MGA: variants seen among roughly 807,000 people sequenced by gnomAD.
MGA encodes the protein MAX gene-associated protein.
In MGA, 40 loss-of-function variants were observed where a neutral mutation model predicts 261.1. The observed-to-expected ratio is 0.15, with a 90% confidence interval of 0.12 to 0.20. The LOEUF is 0.20. MGA is among the 10% of genes least tolerant of loss of function. The pLI, the probability that MGA is intolerant of heterozygous loss-of-function variation, is 1.00. For missense variants in MGA, 3,397 were observed against 3,630.5 expected (o/e 0.94, Z 1.65); for synonymous variants, 1,302 against 1,290.6 (o/e 1.01, Z -0.19).
Position 41,744,212 on chromosome 15 carries a change from A to T in MGA, c.5212+1040A>T, listed in dbSNP as rs190278333. ...TATGTGTGTGTGTGTATATATATATATATTTTTTTGAGATGGAGTCTTGCT... is the reference window on the plus strand; with the variant it reads ...TATGTGTGTGTGTGTATATATATATTTATTTTTTTGAGATGGAGTCTTGCT... On this transcript the variant is annotated intron_variant, in intron 15 of 23. Coordinates refer to ENST00000219905, the MANE Select transcript of MGA (RefSeq NM_001164273.2). Among the ~76,000 whole-genome samples the T allele has an allele frequency of 4.2e-3, 644 of 151,568 alleles. 18 individuals are homozygous for T. The East Asian group carries it at 0.079, about 19-fold the overall frequency.
At chr15:41,738,032 ATAT>A (rs1488533055) in intron 13 of MGA, among the ~76,000 whole-genome samples, 1 of 151,954 alleles carries the variant, frequency 6.6e-6, no homozygotes, top group Non-Finnish European at 1.5e-5. Context: ...GAAGTGTCTG[ATAT>A]TATTGCAAAG....
intron 8 of MGA, among the ~76,000 whole-genome samples, chr15:41,712,893 G>T (rs1187275548): frequency 6.6e-6 from 1 of 152,198 alleles, no homozygotes; most frequent in Middle Eastern, 3.4e-3. Context: ...TAATCTTTGC[G>T]TTAGAACATT....
intron 1 of MGA, among the ~76,000 whole-genome samples, chr15:41,649,568 A>T: frequency 6.6e-6 from 1 of 152,172 alleles, no homozygotes; most frequent in East Asian, 1.9e-4. Context: ...GGAAGATTTG[A>T]TGATTGACTT....
chr15:41,740,190 A>G lies in MGA; in HGVS notation c.4572A>G (p.Ala1524=). 6.2e-7 allele frequency: 1 copy of G among 1,613,854 alleles called. No individual in the cohort carries two copies. ...AGAATCTGAAGGCGTTTGTCCCAGC[A>G]AAACGGCCAATTGGTAAGTTGGGGT... Residue 1524 remains alanine (A), a synonymous_variant, in exon 14 of 24, where the codon GCA becomes GCG. Transcript: ENST00000219905.
rs150472757 is a variant in MGA, at chr15:41,668,357, A to G, written c.-67-471A>G. ...GTCTTCTGAACCATATGAAGAACTA[A>G]TTCTGTACAATTAGCTCTTTGGGAT... On this transcript the variant is annotated intron_variant, in intron 1 of 23. Transcript: ENST00000219905. 3.2e-4 allele frequency among the ~76,000 whole-genome samples: 49 copies of G among 152,258 alleles called. 1 individual carries two copies. The highest frequency in any genetic ancestry group is 1.2e-3 in the African/African-American group (48 of 41,548).
chr15:41,732,273 G>A (rs1244896518), intron 11 of MGA, among the ~76,000 whole-genome samples: 4 of 151,218 alleles, frequency 2.6e-5, no homozygotes, highest in Admixed American at 1.3e-4. Flanking sequence ...TTAGCCTCCC[G>A]AGTAGCTGGG....
intron 1 of MGA, among the ~76,000 whole-genome samples, chr15:41,622,797 C>G (rs2056339094): frequency 6.6e-6 from 1 of 152,128 alleles, no homozygotes; most frequent in Admixed American, 6.5e-5. Context: ...AGTTCTAGCT[C>G]GTCATTTCAC....
In MGA at chr15:41,713,140, T is replaced by G. The variant is rs929217267; in HGVS notation, c.3085-11T>G. 3.1e-6 allele frequency: 5 copies of G among 1,605,218 alleles called. No homozygotes were observed. Among genetic ancestry groups the G allele is most frequent in the Middle Eastern group, 1.7e-4 (1 of 6,040 alleles). On this transcript the variant is annotated splice_polypyrimidine_tract_variant and intron_variant, in intron 8 of 23. Coordinates refer to ENST00000219905, the MANE Select transcript of MGA (RefSeq NM_001164273.2). ...GTTTAGTGGAATTACAATTTTCTCC[T>G]TTGACTTTAGGCATCCCTCAAAACT... is the stretch of plus-strand genomic sequence containing the variant.
intron 14 of MGA, among the ~76,000 whole-genome samples, chr15:41,741,426 A>G (rs1324393451): frequency 6.6e-6 from 1 of 152,124 alleles, no homozygotes; most frequent in Non-Finnish European, 1.5e-5. Context: ...GAGTAAAAAA[A>G]GCAATCCTAT....
At chr15:41,670,942 T>C (rs1249392327) in intron 2 of MGA, among the ~76,000 whole-genome samples, 3 of 152,244 alleles carry the variant, frequency 2.0e-5, no homozygotes, top group South Asian at 2.1e-4. Context: ...TTTTGTGCCT[T>C]ATATAGATAA....
At chr15:41,637,623 G>A (rs1487686394) in intron 1 of MGA, among the ~76,000 whole-genome samples, 2 of 152,126 alleles carry the variant, frequency 1.3e-5, no homozygotes, top group African/African-American at 2.4e-5. Context: ...CCAGGTTGAG[G>A]GGAATGTGGT....
intron 5 of MGA, among the ~76,000 whole-genome samples, chr15:41,703,374 C>T (rs1438483289): frequency 7.2e-6 from 1 of 138,540 alleles, no homozygotes; most frequent in Non-Finnish European, 1.6e-5. Flanking sequence ...AGTTACCCCC[C>T]CCCCCACTCC....
Position 41,767,286 on chromosome 15 carries a change from C to G in MGA, c.*6C>G, listed in dbSNP as rs972390377. Reference sequence around the variant, plus strand: ...CAAGTTCTGCAGGGAAATGAACTTACTTGTCCTTAAGCAGAAGCCAGGCTG... The same window carrying G: ...CAAGTTCTGCAGGGAAATGAACTTAGTTGTCCTTAAGCAGAAGCCAGGCTG... On this transcript the variant is annotated 3_prime_UTR_variant, in exon 24 of 24. Coordinates refer to ENST00000219905, the MANE Select transcript of MGA (RefSeq NM_001164273.2). 6.2e-7 allele frequency: 1 copy of G among 1,600,086 alleles called. No individual in the cohort carries two copies. Among genetic ancestry groups the G allele is most frequent in the African/African-American group, 1.3e-5 (1 of 74,808 alleles).
At chr15:41,707,677 A>G (rs2060192180) in intron 5 of MGA, 51 bp from the exon 6 acceptor site, 2 of 1,504,974 alleles carry the variant, frequency 1.3e-6, no homozygotes, top group East Asian at 2.3e-5. Context: ...GAAGGGAGAT[A>G]ATATGATTTC....
rs763299694 is a variant in MGA, at chr15:41,699,069, A to G, written c.2098A>G (p.Arg700Gly). Reference sequence around the variant, plus strand: ...ACTATTTATTTTGGGTGTAGGTTACAGAGCAAGAATTTCCCAGTTGGAAAA... The same window carrying G: ...ACTATTTATTTTGGGTGTAGGTTACGGAGCAAGAATTTCCCAGTTGGAAAA... The change falls in exon 5 of 24, where the codon AGA (arginine) becomes GGA (glycine). Residue 700 changes from arginine (R) to glycine (G), a missense_variant. Physicochemically the swap from Arg to Gly is moderately radical, Grantham distance 125. Coordinates refer to ENST00000219905, the MANE Select transcript of MGA (RefSeq NM_001164273.2). 6.2e-7 allele frequency: 1 copy of G among 1,610,392 alleles called. No individual in the cohort carries two copies. Among genetic ancestry groups the G allele is most frequent in the Admixed American group, 1.7e-5 (1 of 59,518 alleles).
At chr15:41,679,036 C>G (rs2058529772) in intron 2 of MGA, among the ~76,000 whole-genome samples, 1 of 152,016 alleles carries the variant, frequency 6.6e-6, no homozygotes, top group Non-Finnish European at 1.5e-5. Flanking sequence ...ATTCCATTTT[C>G]TTTTCTTTTT....
At chr15:41,757,742 A>G (rs1285297745) in intron 18 of MGA, 46 bp from the exon 19 acceptor site, 4 of 1,503,826 alleles carry the variant, frequency 2.7e-6, no homozygotes, top group African/African-American at 1.4e-5. Flanking sequence ...TAGGTCTTAG[A>G]TTATTAAATT....
rs2060197598 is a variant in MGA at position 41,707,852 on chromosome 15, C to G, written c.2313C>G (p.Ala771=). The G allele has an allele frequency of 1.2e-6, 2 of 1,612,718 alleles. No homozygotes were observed. The highest frequency in any genetic ancestry group is 1.3e-5 in the African/African-American group (1 of 74,852). The change falls in exon 6 of 24, where the codon GCC becomes GCG. Residue 771 remains alanine, a synonymous_variant. Coordinates refer to ENST00000219905, the MANE Select transcript of MGA (RefSeq NM_001164273.2). Reference sequence around the variant, plus strand: ...GGAACCTTACAGGAACCAACCCTGCCTCTCCTGGTGAGTATGTAACATTTG... The same window carrying G: ...GGAACCTTACAGGAACCAACCCTGCGTCTCCTGGTGAGTATGTAACATTTG...
intron 2 of MGA, among the ~76,000 whole-genome samples, chr15:41,690,475 A>C (rs1400540850): frequency 6.6e-6 from 1 of 152,194 alleles, no homozygotes; most frequent in Non-Finnish European, 1.5e-5. Context: ...GCACCTTGGC[A>C]ATTGAATCAG....
Sources: gnomAD v4.1 joint callset for allele counts (sites outside exome capture counted in the v4.1 genomes callset) on GRCh38, gnomAD v4.1.1 for gene constraint, MANE v1.5 for transcripts, NCBI Gene and HGNC (gene_info 2026-07-23, HGNC 2026-07-21) for gene names.